Variants in DPF1 observed in about 807,000 individuals in gnomAD.
DPF1 encodes zinc finger protein neuro-d4.
Under a neutral mutation model 58.7 loss-of-function variants are expected in DPF1, and 14 were observed. That is an observed-to-expected ratio of 0.24 (90% CI 0.16 to 0.37). DPF1 has a LOEUF of 0.37. DPF1 is among the 10% of genes least tolerant of loss of function. The pLI, the probability that DPF1 is intolerant of heterozygous loss-of-function variation, is 1.00. For synonymous variants in DPF1, 216 were observed against 216.0 expected, an observed-to-expected ratio of 1.00 and a Z score of 0.00; for missense variants, 345 against 529.9, an observed-to-expected ratio of 0.65 and a Z score of 3.43.
chr19:38,216,249 C>T lies in DPF1; in HGVS notation c.789G>A (p.Ala263=), dbSNP rs148078050. The T allele has an allele frequency of 6.4e-5, 104 of 1,614,000 alleles. No individual in the cohort carries two copies. The African/African-American group carries it at 9.2e-4, about 14-fold the overall frequency. The change falls in exon 9 of 12, where the codon GCG becomes GCA. Residue 263 remains alanine (A), a synonymous_variant. Coordinates refer to ENST00000355526, the MANE Select transcript of DPF1 (RefSeq NM_001135155.3). ...CGTTGGGGATGACAGTGCCGTCGGG[C>T]GCCTTCTTGGCTGCAAGACAGCAGA... ...EAQRKHTAKK[A]PDGTVIPNGY... is the part of the protein sequence containing the mutation.
Position 38,213,644 on chromosome 19 carries a change from G to A in DPF1, c.1011C>T (p.Asp337=), listed in dbSNP as rs200900343. 9.9e-6 allele frequency: 16 copies of A among 1,612,228 alleles called. No homozygotes were observed. The highest frequency in any genetic ancestry group is 8.9e-5 in the East Asian group (4 of 44,846). The change falls in exon 10 of 12, where the codon GAC becomes GAT. Residue 337 remains aspartate, a splice_region_variant and synonymous_variant. Transcript: ENST00000355526. ...SCSLCGTSEN[D]DQLLFCDDCD... Reference sequence around the variant, plus strand: ...CACGCGGGGGGCGGGCGGCACTCACGTCGTTCTCGGAGGTTCCGCACAGGC... The same window carrying A: ...CACGCGGGGGGCGGGCGGCACTCACATCGTTCTCGGAGGTTCCGCACAGGC...
chr19:38,214,384 C>T (rs977519451), intron 9 of DPF1, among the ~76,000 whole-genome samples: 2 of 152,330 alleles, frequency 1.3e-5, no homozygotes, highest in Non-Finnish European at 2.9e-5. Context: ...CCTGCAACCA[C>T]GGCCCCGGTG....
At position 38,222,315 on chromosome 19, in the gene DPF1, A is replaced by G. The variant is rs1483990842; in HGVS notation, c.298+42T>C. On this transcript the variant is annotated intron_variant, in intron 3 of 11. Transcript: ENST00000355526. The surrounding 1 kb of genome is among the most constrained non-coding windows in gnomAD (Gnocchi z 4.9). ...ATGGACGAGTGCTAGGACACACAGC[A>G]GGCGCTGGGACACCGATGGGGGCCC... 4.7e-6 allele frequency: 7 copies of G among 1,501,376 alleles called. No individual in the cohort carries two copies. Among genetic ancestry groups the G allele is most frequent in the Non-Finnish European group, 6.3e-6 (7 of 1,102,966 alleles). The allele number at this position is 1,501,376 out of a possible 1,614,324, so 93.0% of individuals were successfully genotyped here.
chr19:38,227,369 T>C (rs1967875514), upstream of DPF1, among the ~76,000 whole-genome samples: 1 of 142,398 alleles, frequency 7.0e-6, no homozygotes, highest in East Asian at 2.4e-4. Flanking sequence ...TAAGCCACCA[T>C]GCCCGGCCCA....
chr19:38,217,752 CT>C, intron 6 of DPF1, 45 bp downstream of exon 6: 1 of 1,611,546 alleles, frequency 6.2e-7, no homozygotes, highest in South Asian at 1.1e-5. Flanking sequence ...TGGGGAGTCT[CT>C]GGGCACCCCT....
upstream of DPF1, among the ~76,000 whole-genome samples, chr19:38,224,408 A>G (rs1967726814): frequency 6.6e-6 from 1 of 152,084 alleles, no homozygotes; most frequent in South Asian, 2.1e-4. This position sits in a 1 kb window ranked among gnomAD's most constrained non-coding sequence, Gnocchi z 4.5. Flanking sequence ...TCACTCGTCC[A>G]CATATCCTGC....
rs1967257573 is a variant in DPF1, at chr19:38,219,074, T to C, written c.299-16A>G. 1 of 1,612,666 alleles carries C rather than the reference T, an allele frequency of 6.2e-7. No individual in the cohort carries two copies. The highest frequency in any genetic ancestry group is 8.5e-7 in the Non-Finnish European group (1 of 1,179,706). ...GCTTCACAGTCTGGGGACAGGGCCA[T>C]GGGGGGGTCAGATGGGGAAGTTGAC... On this transcript the variant is annotated splice_polypyrimidine_tract_variant and intron_variant, in intron 3 of 11. Coordinates refer to ENST00000355526, the MANE Select transcript of DPF1 (RefSeq NM_001135155.3).
chr19:38,217,271 A>C (rs1967089142), intron 7 of DPF1, 189 bp downstream of exon 7: 2 of 692,734 alleles, frequency 2.9e-6, no homozygotes, highest in South Asian at 3.8e-5. Flanking sequence ...CCCGGCCAGG[A>C]GCGAAGGAGC....
At chr19:38,214,831 CTTTTTTTTTTTT>C (rs36047300) in intron 9 of DPF1, among the ~76,000 whole-genome samples, 1 of 89,396 alleles carries the variant, frequency 1.1e-5, no homozygotes, top group African/African-American at 4.7e-5. Flanking sequence ...TATGCCCAGC[CTTTTTTTTTTTT>C]TTTTTTTTTT....
At position 38,212,060 on chromosome 19, in the gene DPF1, G is replaced by A. The variant is rs1032292909; in HGVS notation, c.*3C>T. 1.2e-6 allele frequency: 2 copies of A among 1,610,444 alleles called. No individual in the cohort carries two copies. Among genetic ancestry groups the A allele is most frequent in the Admixed American group, 1.7e-5 (1 of 59,594 alleles). ...CCCCAGAGTCGCGGCGAGCCGAGCCGGCCTAGGTGAGGGTGATGTAAGCAG... is the reference window on the plus strand; with the variant it reads ...CCCCAGAGTCGCGGCGAGCCGAGCCAGCCTAGGTGAGGGTGATGTAAGCAG... On this transcript the variant is annotated 3_prime_UTR_variant, in exon 12 of 12. Coordinates refer to ENST00000355526, the MANE Select transcript of DPF1 (RefSeq NM_001135155.3).
chr19:38,217,942 A>C lies in DPF1; in HGVS notation c.517-66T>G, dbSNP rs1967161119. ...AAACAGGCCAGGCGTGGTGGCTCAC[A>C]CCTGTAATCCCAGCACTTTGGGAGG... On this transcript the variant is annotated intron_variant, in intron 5 of 11. Coordinates refer to ENST00000355526, the MANE Select transcript of DPF1 (RefSeq NM_001135155.3). 6 of 1,535,340 alleles carry C rather than the reference A, an allele frequency of 3.9e-6. No individual in the cohort carries two copies. In the Admixed American group the frequency reaches 1.0e-4, roughly 26 times the overall value.
intron 3 of DPF1, chr19:38,219,336 C>T: frequency 2.2e-6 from 1 of 461,254 alleles, no homozygotes; most frequent in East Asian, 4.0e-5. Flanking sequence ...CCCAGACCTA[C>T]TCAGGGAAGA....
chr19:38,222,815 G>A lies in DPF1; in HGVS notation c.30-107C>T. 9 of 1,380,516 alleles carry A rather than the reference G, an allele frequency of 6.5e-6. No homozygotes were observed. Among genetic ancestry groups the A allele is most frequent in the East Asian group, 2.9e-5 (1 of 35,070 alleles). The allele number at this position is 1,380,516 out of a possible 1,614,324, so 85.5% of individuals were successfully genotyped here. ...GGCCGCCCAGGCTCGGGAGGGGTGG[G>A]CCGACCCCTCCAGCCTCACCTCTCC... is the stretch of plus-strand genomic sequence containing the variant. On this transcript the variant is annotated intron_variant, in intron 1 of 11. Transcript: ENST00000355526. This position sits in a 1 kb window ranked among gnomAD's most constrained non-coding sequence, Gnocchi z 4.9.
In DPF1 at chr19:38,216,633, GC is replaced by G. The variant is rs987633493; in HGVS notation, c.728-231del. The G allele has an allele frequency of 4.2e-5, 18 of 430,014 alleles. No homozygotes were observed. In the Admixed American group the frequency reaches 6.7e-4, roughly 16 times the overall value. 26.6% of individuals were successfully genotyped at this position (430,014 alleles called of 1,614,324 possible). ...AATAAAGGCAGGGTCTTGGTATGTT[GC>G]CCAGGCTGGTCTCCAACTCCTGGCC... On this transcript the variant is annotated intron_variant, in intron 7 of 11. Coordinates refer to ENST00000355526, the MANE Select transcript of DPF1 (RefSeq NM_001135155.3).
chr19:38,222,954 CAA>C lies in DPF1; in HGVS notation c.30-248_30-247del. ...AGTAGAAACACGATACAGAAACAAA[CAA>C]AAACACACCGGGACGTATCCCTACC... On this transcript the variant is annotated intron_variant, in intron 1 of 11. Transcript: ENST00000355526. The surrounding 1 kb of genome is among the most constrained non-coding windows in gnomAD (Gnocchi z 4.9). 1.9e-6 allele frequency: 1 copy of C among 513,594 alleles called. No individual in the cohort carries two copies. The highest frequency in any genetic ancestry group is 5.1e-4 in the Middle Eastern group (1 of 1,970). 31.8% of individuals were successfully genotyped at this position (513,594 alleles called of 1,614,324 possible).
At position 38,222,369 on chromosome 19, in the gene DPF1, C is replaced by A; in HGVS notation, c.286G>T (p.Glu96Ter). The change falls in exon 3 of 12, where the codon GAG becomes TAG. Residue 96 changes from glutamate (E) to a stop codon, truncating the protein, a stop_gained. Coordinates refer to ENST00000355526, the MANE Select transcript of DPF1 (RefSeq NM_001135155.3). LOFTEE classifies it high-confidence loss of function. The surrounding 1 kb of genome is among the most constrained non-coding windows in gnomAD (Gnocchi z 4.9). ...ILEDPRLRPC[E>*]YKIDCEAPLK... ...CGGCTGCACCCACCGATCTTGTACT[C>A]GCAGGGCCTGAGTCTGGGGTCCTCC... 1 of 1,590,502 alleles carries A rather than the reference C, an allele frequency of 6.3e-7. No individual in the cohort carries two copies. The highest frequency in any genetic ancestry group is 8.5e-7 in the Non-Finnish European group (1 of 1,173,818).
chr19:38,221,836 C>T (rs1416873678), intron 3 of DPF1, among the ~76,000 whole-genome samples: 1 of 152,042 alleles, frequency 6.6e-6, no homozygotes, highest in Non-Finnish European at 1.5e-5. Context: ...AATCCCAGCA[C>T]TTTGGGAGGC....
At chr19:38,225,864 G>T (rs927395083), upstream of DPF1, among the ~76,000 whole-genome samples, 3 of 146,536 alleles carry the variant, frequency 2.0e-5, no homozygotes, top group African/African-American at 7.7e-5. Context: ...ACTCCAGCCT[G>T]GACAACTGAG....
In DPF1 at chr19:38,213,689, G is replaced by A. The variant is rs766807217; in HGVS notation, c.966C>T (p.Cys322=). ...ACAGGCTGCAGGATTTGCACTCGATGCACTGCCAGCGGTAGGTCCGCACGG... is the reference window on the plus strand; with the variant it reads ...ACAGGCTGCAGGATTTGCACTCGATACACTGCCAGCGGTAGGTCCGCACGG... ...TAAVRTYRWQ[C]IECKSCSLCG... The change falls in exon 10 of 12, where the codon TGC becomes TGT. Residue 322 remains cysteine (C), a synonymous_variant. Transcript: ENST00000355526. The A allele has an allele frequency of 6.2e-7, 1 of 1,613,924 alleles. No homozygotes were observed. Among genetic ancestry groups the A allele is most frequent in the Admixed American group, 1.7e-5 (1 of 59,998 alleles).
Sources: allele counts gnomAD v4.1 joint callset (sites outside exome capture counted in the v4.1 genomes callset), GRCh38; gene constraint gnomAD v4.1.1; non-coding constraint Gnocchi (gnomAD v3.1); transcripts MANE v1.5; gene names NCBI Gene and HGNC (gene_info 2026-07-23, HGNC 2026-07-21).